Variants in XRN1 observed in about 807,000 individuals in gnomAD.
XRN1 encodes the protein 5'-3' exoribonuclease 1, also known as strand-exchange protein 1 homolog.
XRN1 carries 67 observed loss-of-function variants against 222.3 expected under a neutral mutation model. The ratio of observed to expected loss-of-function variants is 0.30; its 90% CI spans 0.25 to 0.37. The LOEUF is 0.37. XRN1 is among the 10% of genes least tolerant of loss of function. The pLI is 1.00. For missense variants in XRN1, 1,707 were observed against 2,000.2 expected (o/e 0.85, Z 2.80); for synonymous variants, 643 against 652.4 (o/e 0.99, Z 0.22).
At chr3:142,364,875 G>T (rs917260927) in intron 29 of XRN1, among the ~76,000 whole-genome samples, 172 bp downstream of exon 29, 2 of 151,604 alleles carry the variant, frequency 1.3e-5, no homozygotes, top group Non-Finnish European at 2.9e-5. Flanking sequence ...AAACAGAAGA[G>T]ATTTTTTTTT....
chr3:142,404,839 TCAC>T, intron 16 of XRN1, 65 bp downstream of exon 16: 3 of 1,490,634 alleles, frequency 2.0e-6, no homozygotes, highest in Admixed American at 1.8e-5. Context: ...AGCTCCCCCT[TCAC>T]CACTTCTCGC....
intron 27 of XRN1, 30 bp downstream of exon 27, chr3:142,370,455 T>A: frequency 6.3e-7 from 1 of 1,581,936 alleles, no homozygotes; most frequent in South Asian, 1.2e-5. Flanking sequence ...CCAAATCTCA[T>A]CAATAATCTT....
At chr3:142,419,663 G>A (rs2068926422) in intron 10 of XRN1, among the ~76,000 whole-genome samples, 1 of 152,080 alleles carries the variant, frequency 6.6e-6, no homozygotes, top group South Asian at 2.1e-4. Context: ...ACAAAAATTA[G>A]CTGGGTGGTG....
chr3:142,374,377 AC>A (rs2067078516), intron 25 of XRN1, among the ~76,000 whole-genome samples: 2 of 152,320 alleles, frequency 1.3e-5, no homozygotes, highest in East Asian at 3.9e-4. Flanking sequence ...GATCTGTCTG[AC>A]CATAGTGTAA....
intron 20 of XRN1, among the ~76,000 whole-genome samples, chr3:142,389,186 T>C (rs887928976): frequency 6.6e-6 from 1 of 152,170 alleles, no homozygotes; most frequent in Non-Finnish European, 1.5e-5. Flanking sequence ...GCACTCTGGC[T>C]TGGGTGACAG....
At chr3:142,397,599 A>G (rs565766232) in intron 19 of XRN1, 139 bp from the exon 20 acceptor site, 3 of 532,056 alleles carry the variant, frequency 5.6e-6, no homozygotes, top group Non-Finnish European at 8.8e-6. Context: ...TGTAAATTAC[A>G]AAACTATAAT....
At chr3:142,343,023 T>A (rs1306440448) in intron 33 of XRN1, among the ~76,000 whole-genome samples, 1 of 152,002 alleles carries the variant, frequency 6.6e-6, no homozygotes, top group Admixed American at 6.6e-5. Context: ...AAACTATCCA[T>A]CTGACAAGAT....
chr3:142,388,050 T>C (rs541296476), intron 20 of XRN1, among the ~76,000 whole-genome samples: 1 of 152,332 alleles, frequency 6.6e-6, no homozygotes, highest in East Asian at 1.9e-4. Flanking sequence ...CTTTTCTTTA[T>C]AAATTACCCA....
intron 31 of XRN1, among the ~76,000 whole-genome samples, chr3:142,355,832 G>A (rs1447953833): frequency 6.6e-6 from 1 of 151,764 alleles, no homozygotes; most frequent in Non-Finnish European, 1.5e-5. Flanking sequence ...TGCCCAGGCT[G>A]GTGTTGAACT....
chr3:142,372,447 T>G (rs2067016292), intron 25 of XRN1, among the ~76,000 whole-genome samples: 1 of 152,158 alleles, frequency 6.6e-6, no homozygotes, highest in Non-Finnish European at 1.5e-5. Context: ...GAGGATGGGC[T>G]GTGACCAATT....
chr3:142,378,323 G>C (rs2067202533), intron 23 of XRN1, among the ~76,000 whole-genome samples: 1 of 152,176 alleles, frequency 6.6e-6, no homozygotes, highest in Non-Finnish European at 1.5e-5. Flanking sequence ...TACAGCTTTT[G>C]CAGAAAGGCC....
chr3:142,374,688 T>A (rs1033336489), intron 25 of XRN1, among the ~76,000 whole-genome samples: 1 of 151,988 alleles, frequency 6.6e-6, no homozygotes, highest in African/African-American at 2.4e-5. Context: ...ATATGTCAAG[T>A]TGAAAAATTA....
chr3:142,402,782 A>G (rs2068192622), intron 18 of XRN1, among the ~76,000 whole-genome samples: 1 of 152,102 alleles, frequency 6.6e-6, no homozygotes, highest in African/African-American at 2.4e-5. Flanking sequence ...TAACTTTTCT[A>G]GTCCAGTAAA....
chr3:142,396,806 C>T (rs1466646907), intron 20 of XRN1, among the ~76,000 whole-genome samples: 2 of 152,116 alleles, frequency 1.3e-5, no homozygotes, highest in Non-Finnish European at 2.9e-5. Flanking sequence ...AGGAGAGGTG[C>T]TGCTGGGGTG....
intron 20 of XRN1, among the ~76,000 whole-genome samples, chr3:142,394,571 TAATCA>T (rs1327504730): frequency 2.0e-5 from 3 of 152,204 alleles, no homozygotes; most frequent in African/African-American, 4.8e-5. Flanking sequence ...AAGGAAAATA[TAATCA>T]AATGAGAGCT....
intron 13 of XRN1, among the ~76,000 whole-genome samples, chr3:142,416,924 CAG>C (rs1491410811): frequency 6.7e-6 from 1 of 149,534 alleles, no homozygotes; most frequent in African/African-American, 2.5e-5. Context: ...CCCAGCTACT[CAG>C]GGGGTTGAGG....
At chr3:142,322,095 T>C (rs140551435) in intron 37 of XRN1, among the ~76,000 whole-genome samples, 1 of 152,316 alleles carries the variant, frequency 6.6e-6, no homozygotes, top group African/African-American at 2.4e-5. Flanking sequence ...TATCAAGAAC[T>C]GGATATAAAG....
intron 20 of XRN1, among the ~76,000 whole-genome samples, chr3:142,393,778 T>G (rs566615421): frequency 1.8e-4 from 27 of 152,320 alleles, no homozygotes; most frequent in Non-Finnish European, 3.5e-4. Flanking sequence ...TCAACTACTT[T>G]GTTCAATTTT....
chr3:142,374,568 TA>T (rs1157761042), intron 25 of XRN1, among the ~76,000 whole-genome samples: 1 of 152,172 alleles, frequency 6.6e-6, no homozygotes, highest in Non-Finnish European at 1.5e-5. Flanking sequence ...AAAATCTTCA[TA>T]AAAGTTTAGT....
Sources: allele counts gnomAD v4.1 joint callset (sites outside exome capture counted in the v4.1 genomes callset), GRCh38; gene constraint gnomAD v4.1.1; transcripts MANE v1.5; gene names NCBI Gene and HGNC (gene_info 2026-07-23, HGNC 2026-07-21).